The following ANKRD17 variants were observed in gnomAD, a reference collection of about 807,000 sequenced individuals.
ANKRD17 encodes the protein ankyrin repeat domain 17.
ANKRD17 carries 19 observed loss-of-function variants against 229.7 expected under a neutral mutation model. The observed-to-expected ratio is 0.08, with a 90% CI of 0.06 to 0.12. The LOEUF is 0.12. Among genes scored for constraint, ANKRD17 ranks in the 10% least tolerant of loss-of-function variants. The pLI is 1.00. For missense variants in ANKRD17, 2,176 were observed against 3,176.8 expected (o/e 0.68, Z 7.57); for synonymous variants, 1,112 against 1,146.1 (o/e 0.97, Z 0.60).
At position 73,081,287 on chromosome 4, in the gene ANKRD17, T is replaced by G. The variant is rs1169672575; in HGVS notation, c.7160-2397A>C. On this transcript the variant is annotated intron_variant, in intron 30 of 33. Transcript: ENST00000358602. ...TACAAGGTAAGATTATGAAGAAGTT[T>G]AGGTGTAAAGAGAGCAGAATGCAAG... is the stretch of plus-strand genomic sequence containing the variant. Among the ~76,000 whole-genome samples, 3 of 152,130 alleles carry G rather than the reference T, an allele frequency of 2.0e-5. No individual in the cohort carries two copies. The East Asian group carries it at 5.8e-4, about 29-fold the overall frequency.
At chr4:73,079,415 CAG>C (rs1166504302) in intron 30 of ANKRD17, among the ~76,000 whole-genome samples, 9 of 152,012 alleles carry the variant, frequency 5.9e-5, no homozygotes, top group Non-Finnish European at 1.0e-4. Context: ...TTTTTGGAGA[CAG>C]AGTCTTGCTC....
chr4:73,142,272 C>T lies in ANKRD17; in HGVS notation c.2199G>A (p.Gln733=). 6.4e-7 allele frequency: 1 copy of T among 1,553,972 alleles called. No individual in the cohort carries two copies. The highest frequency in any genetic ancestry group is 8.6e-7 in the Non-Finnish European group (1 of 1,162,648). ...LLSAPPPDVT[Q]LTPPSHDLNR... ...TTAAATCGTGGGATGGGGGAGTTAA[C>T]TGAGTGACATCTGGTGGAGGGGCTG... The change falls in exon 13 of 34, where the codon CAG becomes CAA. Residue 733 remains glutamine, a synonymous_variant. Transcript: ENST00000358602.
chr4:73,226,302 A>C (rs930972170), intron 1 of ANKRD17, among the ~76,000 whole-genome samples: 1 of 149,778 alleles, frequency 6.7e-6, no homozygotes, highest in Non-Finnish European at 1.5e-5. Context: ...GAACAAATTC[A>C]CAGATAAGAG....
chr4:73,218,056 T>C (rs1293857664), intron 1 of ANKRD17, among the ~76,000 whole-genome samples: 2 of 152,184 alleles, frequency 1.3e-5, no homozygotes, highest in Non-Finnish European at 2.9e-5. Flanking sequence ...TAGGTATGTG[T>C]ATACACACGC....
chr4:73,256,677 A>AT (rs1560795896), intron 1 of ANKRD17, among the ~76,000 whole-genome samples: 1 of 152,224 alleles, frequency 6.6e-6, no homozygotes, highest in African/African-American at 2.4e-5. Flanking sequence ...ATACAATTGA[A>AT]TGATTCTAAG....
intron 24 of ANKRD17, among the ~76,000 whole-genome samples, chr4:73,106,371 A>AT (rs1724619864): frequency 6.6e-6 from 1 of 152,200 alleles, no homozygotes; most frequent in South Asian, 2.1e-4. Context: ...TAAGATAAGA[A>AT]TTTAAGGACT....
rs567567563 is a variant in ANKRD17, at chr4:73,228,240, G to A, written c.393+30036C>T. ...AGAATTTAAGTTAAAAGGCTAATAC[G>A]ATTTGGTAAGATTTCTGAAAGTCCA... On this transcript the variant is annotated intron_variant, in intron 1 of 33. Coordinates refer to ENST00000358602, the MANE Select transcript of ANKRD17 (RefSeq NM_032217.5). Among the ~76,000 whole-genome samples the A allele has an allele frequency of 5.9e-5, 9 of 152,148 alleles. No individual in the cohort carries two copies. The South Asian group carries it at 8.3e-4, about 14-fold the overall frequency.
At chr4:73,244,998 T>C (rs1744365192) in intron 1 of ANKRD17, among the ~76,000 whole-genome samples, 1 of 152,054 alleles carries the variant, frequency 6.6e-6, no homozygotes, top group African/African-American at 2.4e-5. Context: ...ATAAAGCAGT[T>C]TGCAAGCAGA....
chr4:73,117,980 A>C (rs1726180975), intron 22 of ANKRD17, among the ~76,000 whole-genome samples: 2 of 152,122 alleles, frequency 1.3e-5, no homozygotes, highest in Admixed American at 6.6e-5. Flanking sequence ...TCATTATTTA[A>C]TTCATTTTTT....
chr4:73,099,095 A>G (rs777981672), intron 25 of ANKRD17: 96 of 839,004 alleles, frequency 1.1e-4, no homozygotes, highest in Non-Finnish European at 1.9e-4. Flanking sequence ...AAAACTGGAG[A>G]AGGAGGAAGA....
chr4:73,148,834 C>T lies in ANKRD17; in HGVS notation c.1546G>A (p.Val516Met), dbSNP rs1730635239. The change falls in exon 8 of 34, where the codon GTG becomes ATG. Residue 516 changes from valine to methionine, a missense_variant. Transcript: ENST00000358602. ...EAAREGHEEM[V>M]ALLLGQGANI... The stretch of plus-strand genomic sequence containing the variant: ...TTACCTTGACCAAGAAGTAATGCCA[C>T]CATTTCTTCATGTCCTTCTCGAGCT... 6.2e-7 allele frequency: 1 copy of T among 1,613,726 alleles called. No individual in the cohort carries two copies. The highest frequency in any genetic ancestry group is 1.7e-5 in the Admixed American group (1 of 59,982).
intron 27 of ANKRD17, 109 bp downstream of exon 27, chr4:73,097,008 T>C: frequency 7.8e-7 from 1 of 1,283,574 alleles, no homozygotes; most frequent in South Asian, 1.5e-5. Flanking sequence ...CCTTGAACCA[T>C]CAGTTTGTTT....
intron 1 of ANKRD17, among the ~76,000 whole-genome samples, chr4:73,185,856 T>C (rs1736227947): frequency 6.6e-6 from 1 of 152,014 alleles, no homozygotes; most frequent in South Asian, 2.1e-4. Context: ...AAATACATTT[T>C]ACATATGAAT....
At chr4:73,204,599 G>A (rs1339032050) in intron 1 of ANKRD17, among the ~76,000 whole-genome samples, 1 of 151,894 alleles carries the variant, frequency 6.6e-6, no homozygotes, top group Non-Finnish European at 1.5e-5. Context: ...GTAATAAAGA[G>A]CACTAGAAAT....
At chr4:73,113,126 T>C in intron 24 of ANKRD17, 2 of 1,224,326 alleles carry the variant, frequency 1.6e-6, no homozygotes, top group South Asian at 1.5e-5. Flanking sequence ...GGCAGTTCCA[T>C]AATATTCAAT....
At chr4:73,109,810 A>G (rs1725083295) in intron 24 of ANKRD17, among the ~76,000 whole-genome samples, 1 of 152,108 alleles carries the variant, frequency 6.6e-6, no homozygotes, top group African/African-American at 2.4e-5. Flanking sequence ...GGAGTAAGAA[A>G]CAATGAAAGG....
rs144648029 is a variant in ANKRD17 at position 73,091,681 on chromosome 4, T to C, written c.5947A>G (p.Thr1983Ala). 16 of 1,614,110 alleles carry C rather than the reference T, an allele frequency of 9.9e-6. No individual in the cohort carries two copies. The highest frequency in any genetic ancestry group is 5.3e-5 in the African/African-American group (4 of 74,940). ...TSSSASTVPG[T>A]STNGSPSSPS... is the part of the protein sequence containing the mutation. ...GAACTTGGACTGCCATTTGTAGATG[T>C]ACCAGGCACCGTTGAAGCTGATGAA... The change falls in exon 29 of 34, where the codon ACA (threonine) becomes GCA (alanine). Residue 1983 changes from threonine to alanine, a missense_variant. Thr to Ala is a moderately conservative substitution (Grantham distance 58). Around this residue, in one of 18 missense-constraint regions of ANKRD17, gnomAD observed 424 missense variants for 454.0 expected, o/e 0.93. Coordinates refer to ENST00000358602, the MANE Select transcript of ANKRD17 (RefSeq NM_032217.5).
In ANKRD17 at chr4:73,117,208, T is replaced by C. The variant is rs143213598; in HGVS notation, c.4189-1292A>G. Among the ~76,000 whole-genome samples the C allele has an allele frequency of 2.0e-3, 311 of 152,154 alleles. 1 individual carries two copies. Among genetic ancestry groups the C allele is most frequent in the African/African-American group, 7.1e-3 (293 of 41,508 alleles). ...AACTATAACTAAAGAATGAGTAACT[T>C]TGGAAAAATGAAGAAAGACATGGGC... is the stretch of plus-strand genomic sequence containing the variant. On this transcript the variant is annotated intron_variant, in intron 22 of 33. Transcript: ENST00000358602.
rs756491210 is a variant in ANKRD17, at chr4:73,142,782, G to T, written c.1958-15C>A. On this transcript the variant is annotated splice_polypyrimidine_tract_variant and intron_variant, in intron 11 of 33. Coordinates refer to ENST00000358602, the MANE Select transcript of ANKRD17 (RefSeq NM_032217.5). The stretch of plus-strand genomic sequence containing the variant: ...CACATTCGCTCCTAAAACAGAAAAG[G>T]CATGGAAAATCATATTAGTAGAATG... 8 of 1,591,750 alleles carry T rather than the reference G, an allele frequency of 5.0e-6. No individual in the cohort carries two copies. In the South Asian group the frequency reaches 9.2e-5, roughly 18 times the overall value.
Sources: gnomAD v4.1 joint callset for allele counts (sites outside exome capture counted in the v4.1 genomes callset) on GRCh38, gnomAD v4.1.1 for gene constraint, gnomAD v4.1.1 regional missense constraint, MANE v1.5 for transcripts, NCBI Gene and HGNC (gene_info 2026-07-23, HGNC 2026-07-21) for gene names.